Variants in MEGF10 observed in about 807,000 individuals in gnomAD.
The protein encoded by MEGF10 is multiple EGF like domains 10.
Under a neutral mutation model 147.5 loss-of-function variants are expected in MEGF10, and 86 were observed. That is an observed-to-expected ratio of 0.58 (90% CI 0.49 to 0.70). The LOEUF (loss-of-function observed/expected upper bound fraction) is 0.70, where lower values mean the gene tolerates loss of function less well. Ranked by LOEUF, MEGF10 falls within the 30% of genes least tolerant of loss-of-function variation. The pLI, the probability that MEGF10 is intolerant of heterozygous loss-of-function variation, is 0.00. For missense variants in MEGF10, 1,329 were observed against 1,487.3 expected (o/e 0.89, Z 1.75); for synonymous variants, 478 against 525.5 (o/e 0.91, Z 1.24).
At chr5:127,336,843 G>A (rs1761490610) in intron 2 of MEGF10, among the ~76,000 whole-genome samples, 1 of 152,062 alleles carries the variant, frequency 6.6e-6, no homozygotes, top group African/African-American at 2.4e-5. Flanking sequence ...TATGTGGTAA[G>A]TTGCTCTATT....
At chr5:127,269,864 T>G in the MEGF10 span, among the ~76,000 whole-genome samples, 2 of 152,098 alleles carry the variant, frequency 1.3e-5, no homozygotes, top group Non-Finnish European at 2.9e-5. Context: ...AGGAAACCCA[T>G]CAGACTAACA....
chr5:127,403,257 G>A (rs768071627), intron 8 of MEGF10, among the ~76,000 whole-genome samples: 3 of 151,928 alleles, frequency 2.0e-5, no homozygotes, highest in African/African-American at 4.8e-5. Flanking sequence ...ATCTCAGAGC[G>A]CTTTGCACAC....
At position 127,396,597 on chromosome 5, in the gene MEGF10, T is replaced by G. The variant is rs1763922985; in HGVS notation, c.478T>G (p.Cys160Gly). The G allele has an allele frequency of 6.2e-7, 1 of 1,611,952 alleles. No individual in the cohort carries two copies. Among genetic ancestry groups the G allele is most frequent in the Non-Finnish European group, 8.5e-7 (1 of 1,178,864 alleles). Residue 160 changes from cysteine (C) to glycine (G), a missense_variant, in exon 6 of 25, where the codon TGC becomes GGC. Cys to Gly is a radical substitution (Grantham distance 159). Around this residue, in one of 3 missense-constraint regions of MEGF10, gnomAD observed 980 missense variants for 1,085.9 expected, o/e 0.90. Coordinates refer to ENST00000503335, the MANE Select transcript of MEGF10 (RefSeq NM_001256545.2). Reference protein sequence around the residue: ...SRCQCKNGALCNPITGACHCA... With the variant: ...SRCQCKNGALGNPITGACHCA... Reference sequence around the variant, plus strand: ...GTGCCAGTGCAAAAATGGGGCTCTGTGCAACCCCATCACCGGGGCTTGCCA... The same window carrying G: ...GTGCCAGTGCAAAAATGGGGCTCTGGGCAACCCCATCACCGGGGCTTGCCA...
intron 22 of MEGF10, among the ~76,000 whole-genome samples, chr5:127,451,429 G>A (rs891916655): frequency 3.9e-5 from 6 of 152,074 alleles, no homozygotes; most frequent in Non-Finnish European, 4.4e-5. Context: ...TTATCAATAG[G>A]ATGAGTATTT....
rs1189385497 is a variant in MEGF10 at position 127,422,984 on chromosome 5, A to G, written c.1693+212A>G. ...GGGCAGTTCTCTTGAGCTACAAGTA[A>G]GGTCCAGCTGTCAAAATTCAGGCCA... On this transcript the variant is annotated intron_variant, in intron 13 of 24. Coordinates refer to ENST00000503335, the MANE Select transcript of MEGF10 (RefSeq NM_001256545.2). 2.0e-5 allele frequency among the ~76,000 whole-genome samples: 3 copies of G among 152,232 alleles called. No individual in the cohort carries two copies. In the East Asian group the frequency reaches 5.8e-4, roughly 29 times the overall value.
At chr5:127,440,280 A>G (rs1254644513) in intron 17 of MEGF10, among the ~76,000 whole-genome samples, 1 of 152,238 alleles carries the variant, frequency 6.6e-6, no homozygotes, top group Non-Finnish European at 1.5e-5. Context: ...AATAACAGAT[A>G]CAGTGGACAA....
In MEGF10 at chr5:127,447,560, C is replaced by G. The variant is rs1287282690; in HGVS notation, c.2732C>G (p.Thr911Ser). ...CCATTTCCTTCCCTTCTTGCAGGAACCCTTCCTCACAGCAATGGTGGAAAC... is the reference window on the plus strand; with the variant it reads ...CCATTTCCTTCCCTTCTTGCAGGAAGCCTTCCTCACAGCAATGGTGGAAAC... ...VVNADYTISG[T>S]LPHSNGGNAN... is the part of the protein sequence containing the mutation. Residue 911 changes from threonine to serine, a missense_variant, in exon 21 of 25, where the codon ACC (threonine) becomes AGC (serine). Physicochemically the swap from Thr to Ser is moderately conservative, Grantham distance 58. Around this residue, in one of 3 missense-constraint regions of MEGF10, gnomAD observed 343 missense variants for 377.9 expected, o/e 0.91. Transcript: ENST00000503335. 5.0e-6 allele frequency: 8 copies of G among 1,614,114 alleles called. No homozygotes were observed. The South Asian group carries it at 6.6e-5, about 13-fold the overall frequency.
intron 1 of MEGF10, among the ~76,000 whole-genome samples, chr5:127,298,303 G>A (rs917109629): frequency 6.6e-6 from 1 of 152,104 alleles, no homozygotes; most frequent in Non-Finnish European, 1.5e-5. Flanking sequence ...ATCATCTGAA[G>A]CCCTCATCGT....
intron 4 of MEGF10, among the ~76,000 whole-genome samples, chr5:127,358,712 C>G (rs1171678159): frequency 6.6e-6 from 1 of 152,132 alleles, no homozygotes; most frequent in African/African-American, 2.4e-5. Context: ...ATTTTGAAAT[C>G]CTTCTCAAAT....
chr5:127,397,039 G>A (rs1304731646), intron 6 of MEGF10, among the ~76,000 whole-genome samples: 2 of 152,114 alleles, frequency 1.3e-5, no homozygotes, highest in African/African-American at 2.4e-5. Context: ...AGAGAGAGAG[G>A]GTCAGTCAGG....
chr5:127,289,038 C>G (rs1759119343), upstream of MEGF10, among the ~76,000 whole-genome samples: 1 of 152,092 alleles, frequency 6.6e-6, no homozygotes, highest in African/African-American at 2.4e-5. Context: ...TCTGTAGTTA[C>G]AGAAAACAGC....
intron 1 of MEGF10, among the ~76,000 whole-genome samples, chr5:127,294,683 C>T (rs981902645): frequency 6.6e-6 from 1 of 151,870 alleles, no homozygotes; most frequent in Non-Finnish European, 1.5e-5. Context: ...CCTGTAATCC[C>T]AACTACTTGG....
At chr5:127,265,459 G>T in the MEGF10 span, among the ~76,000 whole-genome samples, 4 of 151,802 alleles carry the variant, frequency 2.6e-5, no homozygotes, top group Non-Finnish European at 5.9e-5. Context: ...TGGGTCAAAT[G>T]GTATTTCTAG....
At position 127,396,796 on chromosome 5, in the gene MEGF10, C is replaced by G; in HGVS notation, c.659+18C>G. ...GGAGCCTTGTAAGTCACATGCTGCC[C>G]AGCAGCAGAGCAGAGCCCACCCACC... On this transcript the variant is annotated intron_variant, in intron 6 of 24. Coordinates refer to ENST00000503335, the MANE Select transcript of MEGF10 (RefSeq NM_001256545.2). 6.2e-7 allele frequency: 1 copy of G among 1,607,346 alleles called. No individual in the cohort carries two copies.
At chr5:127,281,924 C>T in the MEGF10 span, among the ~76,000 whole-genome samples, 1 of 152,220 alleles carries the variant, frequency 6.6e-6, no homozygotes, top group Admixed American at 6.5e-5. Context: ...ATTGCTTAAG[C>T]CCAGATACCT....
At chr5:127,294,998 A>G (rs1301377847) in intron 1 of MEGF10, among the ~76,000 whole-genome samples, 1 of 152,034 alleles carries the variant, frequency 6.6e-6, no homozygotes, top group Non-Finnish European at 1.5e-5. Context: ...TTTTGGAATG[A>G]CGTGTCAGAG....
rs1294343530 is a variant in MEGF10, at chr5:127,454,604, T to A, written c.3019T>A (p.Leu1007Ile). 1 of 1,607,660 alleles carries A rather than the reference T, an allele frequency of 6.2e-7. No individual in the cohort carries two copies. Among genetic ancestry groups the A allele is most frequent in the East Asian group, 2.2e-5 (1 of 44,770 alleles). The change falls in exon 23 of 25, where the codon TTA (leucine) becomes ATA (isoleucine). Residue 1007 changes from leucine (L) to isoleucine (I), a missense_variant. Transcript: ENST00000503335. ...TGACAGAAGCTATATGGGAAAATCC[T>A]TAAAAGGTATCATGTAAATTTGAAG... is the stretch of plus-strand genomic sequence containing the variant. ...GLDRSYMGKS[L>I]KDLGKNSEYN...
chr5:127,268,133 T>C, the MEGF10 span, among the ~76,000 whole-genome samples: 1,815 of 152,260 alleles, frequency 0.012, 38 homozygotes, highest in African/African-American at 0.04. Flanking sequence ...TTGTTCTCAT[T>C]GGTTTCAAAG....
chr5:127,419,361 T>C (rs1580846637), intron 11 of MEGF10, 121 bp downstream of exon 11: 4 of 1,187,526 alleles, frequency 3.4e-6, no homozygotes, highest in East Asian at 2.4e-5. Flanking sequence ...GTGTCTGACC[T>C]CCGCAAGCCC....
Sources: gnomAD v4.1 joint callset for allele counts (sites outside exome capture counted in the v4.1 genomes callset) on GRCh38, gnomAD v4.1.1 for gene constraint, gnomAD v4.1.1 regional missense constraint, MANE v1.5 for transcripts, NCBI Gene and HGNC (gene_info 2026-07-23, HGNC 2026-07-21) for gene names.